The following MBNL1 variants were observed in gnomAD, a reference collection of about 807,000 sequenced individuals.
MBNL1 encodes the protein muscleblind-like protein 1.
Under a neutral mutation model 42.2 loss-of-function variants are expected in MBNL1, and 8 were observed. The ratio of observed to expected loss-of-function variants is 0.19; its 90% confidence interval spans 0.11 to 0.34. MBNL1 has a LOEUF of 0.34. Ranked by LOEUF, MBNL1 falls within the 10% of genes least tolerant of loss-of-function variation. The probability of loss-of-function intolerance (pLI) is 1.00; values close to 1 mark genes in which losing one functional copy is unlikely to be tolerated. For missense variants in MBNL1, 309 were observed against 495.3 expected, an observed-to-expected ratio of 0.62 and a Z score of 3.57; for synonymous variants, 169 against 173.9, an observed-to-expected ratio of 0.97 and a Z score of 0.22.
chr3:152,323,904 T>C (rs2077917273), intron 2 of MBNL1, among the ~76,000 whole-genome samples: 1 of 152,188 alleles, frequency 6.6e-6, no homozygotes, highest in East Asian at 1.9e-4. Context: ...ATTGGTTTTG[T>C]TCCCTCCTTT....
chr3:152,253,603 C>A (rs1012994952), intron 2 of MBNL1, among the ~76,000 whole-genome samples: 1 of 152,028 alleles, frequency 6.6e-6, no homozygotes, highest in African/African-American at 2.4e-5. Flanking sequence ...GCTTATATGT[C>A]TTTGTGTCTT....
At chr3:152,310,562 G>T (rs1480181129) in intron 2 of MBNL1, among the ~76,000 whole-genome samples, 2 of 152,206 alleles carry the variant, frequency 1.3e-5, no homozygotes, top group Admixed American at 6.5e-5. Flanking sequence ...ACGTGGGCAA[G>T]TATTTGTTAA....
chr3:152,359,891 A>C (rs2095813552), intron 2 of MBNL1, among the ~76,000 whole-genome samples: 1 of 152,220 alleles, frequency 6.6e-6, no homozygotes, highest in Non-Finnish European at 1.5e-5. Context: ...CAGTTAGACC[A>C]GTCTCACTAT....
intron 1 of MBNL1, among the ~76,000 whole-genome samples, chr3:152,270,921 A>T (rs974710344): frequency 6.6e-6 from 1 of 152,094 alleles, no homozygotes; most frequent in Admixed American, 6.6e-5. Context: ...GTTTTAAGGA[A>T]CAGGTTGGGT....
chr3:152,423,318 G>A (rs997170167), intron 3 of MBNL1, among the ~76,000 whole-genome samples: 1 of 152,068 alleles, frequency 6.6e-6, no homozygotes, highest in African/African-American at 2.4e-5. Flanking sequence ...TGCAAATAAA[G>A]TAGAAAACCT....
intron 2 of MBNL1, among the ~76,000 whole-genome samples, chr3:152,406,201 G>A (rs995651480): frequency 6.6e-6 from 1 of 152,148 alleles, no homozygotes; most frequent in African/African-American, 2.4e-5. Context: ...GCCCTGCATA[G>A]CATTAACCTC....
At chr3:152,399,145 A>T (rs1045421141) in intron 2 of MBNL1, among the ~76,000 whole-genome samples, 1 of 152,162 alleles carries the variant, frequency 6.6e-6, no homozygotes, top group Non-Finnish European at 1.5e-5. Context: ...CCACTGTCCC[A>T]TAGCACAGAG....
rs1224748335 is a variant in MBNL1 at position 152,420,830 on chromosome 3, GGAAC to G, written c.345+5720_345+5723del. On this transcript the variant is annotated intron_variant, in intron 3 of 9. Transcript: ENST00000324210. Reference sequence around the variant, plus strand: ...TAATAACAAACTCCTCTGAGCTAAAGGAACATGTTTTAACCCAATGCAAGGAAGT... The same window carrying G: ...TAATAACAAACTCCTCTGAGCTAAAGATGTTTTAACCCAATGCAAGGAAGT... Among the ~76,000 whole-genome samples the G allele has an allele frequency of 4.2e-3, 634 of 152,252 alleles. 5 individuals carry two copies. The highest frequency in any genetic ancestry group is 0.014 in the African/African-American group (586 of 41,542).
intron 6 of MBNL1, 31 bp from the exon 7 acceptor site, chr3:152,455,510 TC>T: frequency 6.3e-7 from 1 of 1,598,876 alleles, no homozygotes; most frequent in Non-Finnish European, 8.6e-7. Context: ...CCTTTTCAAA[TC>T]CACCTTCCTG....
At chr3:152,448,354 A>G (rs745942557) in intron 6 of MBNL1, among the ~76,000 whole-genome samples, 5 of 152,166 alleles carry the variant, frequency 3.3e-5, no homozygotes, top group Non-Finnish European at 7.4e-5. Context: ...ATGGAGTTCT[A>G]CATTTGTGGT....
intron 2 of MBNL1, among the ~76,000 whole-genome samples, chr3:152,407,047 C>CTG (rs373321399): frequency 0.016 from 1,097 of 67,618 alleles, 8 homozygotes; most frequent in South Asian, 0.035. Context: ...TGTTAAGCCA[C>CTG]TGTGTGTGTG....
intron 2 of MBNL1, among the ~76,000 whole-genome samples, chr3:152,392,000 A>G (rs2097737259): frequency 1.3e-5 from 2 of 152,202 alleles, no homozygotes; most frequent in Non-Finnish European, 2.9e-5. Context: ...TATAATATCA[A>G]TAAATTGCAA....
chr3:152,360,953 A>G (rs2095885878), intron 2 of MBNL1, among the ~76,000 whole-genome samples: 1 of 152,194 alleles, frequency 6.6e-6, no homozygotes, highest in Admixed American at 6.5e-5. Context: ...CATCAAATAT[A>G]TATTAAGCAG....
chr3:152,430,469 C>G (rs1474103144), intron 3 of MBNL1, among the ~76,000 whole-genome samples: 1 of 152,088 alleles, frequency 6.6e-6, no homozygotes, highest in Non-Finnish European at 1.5e-5. Flanking sequence ...GTCTGTTAGT[C>G]CCCTGACATA....
At chr3:152,426,109 A>G (rs888968983) in intron 3 of MBNL1, among the ~76,000 whole-genome samples, 1 of 152,010 alleles carries the variant, frequency 6.6e-6, no homozygotes, top group African/African-American at 2.4e-5. Flanking sequence ...CAGAAAACCA[A>G]ACATCTCATG....
At position 152,463,891 on chromosome 3, in the gene MBNL1, A is replaced by G. The variant is rs1748910702; in HGVS notation, c.*1525A>G. The G allele has an allele frequency of 6.6e-6, 1 of 152,544 alleles. No homozygotes were observed. Among genetic ancestry groups the G allele is most frequent in the Non-Finnish European group, 1.5e-5 (1 of 67,966 alleles). 9.4% of individuals were successfully genotyped at this position (152,544 alleles called of 1,614,324 possible). On this transcript the variant is annotated 3_prime_UTR_variant, in exon 10 of 10. Transcript: ENST00000324210. Reference sequence around the variant, plus strand: ...TGAAAGTTCAGTTATAGAACTTTCCATACTTCCAAGTTTACTGCAAGTTTT... The same window carrying G: ...TGAAAGTTCAGTTATAGAACTTTCCGTACTTCCAAGTTTACTGCAAGTTTT...
At chr3:152,311,986 C>T (rs1343871038) in intron 2 of MBNL1, among the ~76,000 whole-genome samples, 3 of 151,224 alleles carry the variant, frequency 2.0e-5, no homozygotes, top group African/African-American at 7.3e-5. Flanking sequence ...GTCAGGAGAT[C>T]GAGACCATCC....
intron 2 of MBNL1, among the ~76,000 whole-genome samples, chr3:152,393,836 T>C (rs2097819212): frequency 6.6e-6 from 1 of 152,216 alleles, no homozygotes; most frequent in African/African-American, 2.4e-5. Context: ...TTCAGCATTA[T>C]GTAGTTCACT....
At chr3:152,252,450 C>G (rs1362903385) in intron 2 of MBNL1, among the ~76,000 whole-genome samples, 2 of 151,684 alleles carry the variant, frequency 1.3e-5, no homozygotes, top group Non-Finnish European at 2.9e-5. Flanking sequence ...TACTTTAAAT[C>G]TTTTTTTAAC....
Sources: gnomAD v4.1 joint callset for allele counts (sites outside exome capture counted in the v4.1 genomes callset) on GRCh38, gnomAD v4.1.1 for gene constraint, MANE v1.5 for transcripts, NCBI Gene and HGNC (gene_info 2026-07-23, HGNC 2026-07-21) for gene names.